TICRR: variants seen among roughly 807,000 people sequenced by gnomAD.
TICRR encodes the protein treslin.
In TICRR, 132 loss-of-function variants were observed where a neutral mutation model predicts 178.1. The ratio of observed to expected loss-of-function variants is 0.74; its 90% CI spans 0.64 to 0.86. The LOEUF is 0.86. Ranked by LOEUF, TICRR falls within the 40% of genes least tolerant of loss-of-function variation. The pLI is 0.00. For missense variants in TICRR, 2,587 were observed against 2,334.3 expected (o/e 1.11, Z -2.23); for synonymous variants, 991 against 900.7 (o/e 1.10, Z -1.79).
chr15:89,626,820 A>C (rs917479806), intron 21 of TICRR, 136 bp from the exon 22 acceptor site: 12 of 924,958 alleles, frequency 1.3e-5, no homozygotes, highest in Non-Finnish European at 1.8e-5. Flanking sequence ...CCATTTCTGT[A>C]GGATAAGCGA....
intron 1 of TICRR, chr15:89,579,807 A>G (rs572197989): frequency 6.6e-6 from 1 of 152,238 alleles, no homozygotes; most frequent in East Asian, 1.9e-4. Flanking sequence ...GGGACTCTGC[A>G]GAGTCCCCAC....
At chr15:89,608,643 G>T in intron 14 of TICRR, 160 bp from the exon 15 acceptor site, 2 of 529,854 alleles carry the variant, frequency 3.8e-6, no homozygotes, top group South Asian at 9.7e-5. Flanking sequence ...ATGCATTATG[G>T]GAATATGCTA....
chr15:89,618,048 C>T, intron 16 of TICRR, 104 bp from the exon 17 acceptor site: 1 of 1,175,212 alleles, frequency 8.5e-7, no homozygotes, highest in African/African-American at 1.5e-5. Context: ...TGTTATCAGA[C>T]CCTGTGATCT....
intron 14 of TICRR, 90 bp from the exon 15 acceptor site, chr15:89,608,713 T>C: frequency 1.7e-6 from 2 of 1,174,004 alleles, no homozygotes; most frequent in East Asian, 5.3e-5. Flanking sequence ...TCAAGGAGCT[T>C]CTCTGTTTTG....
At chr15:89,586,533 A>G (rs578086937) in intron 4 of TICRR, among the ~76,000 whole-genome samples, 2 of 152,312 alleles carry the variant, frequency 1.3e-5, no homozygotes, top group Non-Finnish European at 2.9e-5. Context: ...AGACAAAACA[A>G]TAAGTCAGGA....
intron 1 of TICRR, among the ~76,000 whole-genome samples, chr15:89,576,986 C>T (rs966536262): frequency 2.0e-5 from 3 of 151,712 alleles, no homozygotes; most frequent in African/African-American, 4.8e-5. Context: ...TCCACCCCTC[C>T]GGGTTCAAGC....
At chr15:89,611,593 C>T (rs1439915224) in intron 15 of TICRR, among the ~76,000 whole-genome samples, 1 of 152,110 alleles carries the variant, frequency 6.6e-6, no homozygotes, top group Non-Finnish European at 1.5e-5. Context: ...TCATTTCCTC[C>T]TTAGACTCCC....
chr15:89,627,400 G>A lies in TICRR; in HGVS notation c.*314G>A. On this transcript the variant is annotated 3_prime_UTR_variant, in exon 22 of 22. Transcript: ENST00000268138. ...CAACCATGACCTTGGCAAGTCAGGG[G>A]GCCACTCTGCCTCATTTATGCAAAT... 1 of 333,376 alleles carries A rather than the reference G, an allele frequency of 3.0e-6. No individual in the cohort carries two copies. Among genetic ancestry groups the A allele is most frequent in the Non-Finnish European group, 5.5e-6 (1 of 181,814 alleles). The allele number at this position is 333,376 out of a possible 1,614,324, so 20.7% of individuals were successfully genotyped here. A position where few individuals can be genotyped will look rare whatever the true frequency, so the allele number is the denominator to read the frequency against.
At chr15:89,591,442 G>A (rs1265852038) in intron 4 of TICRR, 1 of 151,454 alleles carries the variant, frequency 6.6e-6, no homozygotes, top group African/African-American at 2.4e-5. Flanking sequence ...CCATTTTTAA[G>A]AACAGGACCA....
At position 89,627,044 on chromosome 15, in the gene TICRR, T is replaced by A. The variant is rs149952329; in HGVS notation, c.5691T>A (p.Tyr1897Ter). Residue 1897 changes from tyrosine (Y) to a stop codon, truncating the protein, a stop_gained, in exon 22 of 22, where the codon TAT (tyrosine) becomes TAA (stop). Transcript: ENST00000268138. LOFTEE classifies it low-confidence loss of function (END_TRUNC). ...GGAGGCGCCCCATCAGCAGAACTTA[T>A]ACACGGAAGAAGCTCATGGGAACCT... ...FSRRRPISRT[Y>*]TRKKLMGTWL... 1.2e-6 allele frequency: 2 copies of A among 1,614,044 alleles called. No individual in the cohort carries two copies. Among genetic ancestry groups the A allele is most frequent in the Non-Finnish European group, 1.7e-6 (2 of 1,180,046 alleles).
intron 15 of TICRR, among the ~76,000 whole-genome samples, chr15:89,612,428 AT>A (rs1963269506): frequency 6.6e-6 from 1 of 152,248 alleles, no homozygotes; most frequent in South Asian, 2.1e-4. Flanking sequence ...TGACCAAAGC[AT>A]GCAACCCCCA....
chr15:89,597,295 G>A (rs983761994), intron 7 of TICRR, among the ~76,000 whole-genome samples: 5 of 152,108 alleles, frequency 3.3e-5, no homozygotes, highest in African/African-American at 9.6e-5. Flanking sequence ...AGGCTGAGGC[G>A]GGCAGATCAC....
intron 14 of TICRR, among the ~76,000 whole-genome samples, chr15:89,607,778 T>C (rs1215118031): frequency 6.6e-6 from 1 of 152,166 alleles, no homozygotes; most frequent in African/African-American, 2.4e-5. Flanking sequence ...AATTCACCCT[T>C]GGTGAATTTT....
Position 89,624,092 on chromosome 15 carries a change from C to A in TICRR, c.3782C>A (p.Pro1261His). The A allele has an allele frequency of 6.2e-7, 1 of 1,613,914 alleles. No individual in the cohort carries two copies. Among genetic ancestry groups the A allele is most frequent in the Non-Finnish European group, 8.5e-7 (1 of 1,179,994 alleles). Residue 1261 changes from proline (P) to histidine (H), a missense_variant, in exon 20 of 22, where the codon CCT becomes CAT. Pro to His is a moderately conservative substitution (Grantham distance 77, BLOSUM62 -2). Transcript: ENST00000268138. ...PPRAAAFMGTPQNQTHQQPHV... is the reference protein window; with the variant it reads ...PPRAAAFMGTHQNQTHQQPHV... ...AGAGCAGCAGCCTTCATGGGCACGC[C>A]TCAGAATCAAACACACCAACAGCCC...
intron 19 of TICRR, 37 bp from the exon 20 acceptor site, chr15:89,623,586 A>G (rs1963459226): frequency 8.3e-6 from 13 of 1,559,016 alleles, no homozygotes; most frequent in Non-Finnish European, 1.0e-5. Context: ...CATGAGTTAT[A>G]ATATTCAAGG....
Position 89,624,006 on chromosome 15 carries a change from G to C in TICRR, c.3696G>C (p.Ser1232=). The C allele has an allele frequency of 6.2e-7, 1 of 1,613,588 alleles. No individual in the cohort carries two copies. The highest frequency in any genetic ancestry group is 8.5e-7 in the Non-Finnish European group (1 of 1,179,936). ...SPSCPAPPTS[S]TAQPRRECLT... The stretch of plus-strand genomic sequence containing the variant: ...CCTGTCCAGCCCCTCCAACTTCATC[G>C]ACTGCCCAGCCCAGGAGAGAGTGTC... The change falls in exon 20 of 22, where the codon TCG becomes TCC. Residue 1232 remains serine, a synonymous_variant. Transcript: ENST00000268138.
chr15:89,592,009 C>G (rs1365241521), intron 4 of TICRR, 38 bp from the exon 5 acceptor site: 7 of 1,583,846 alleles, frequency 4.4e-6, no homozygotes, highest in Non-Finnish European at 6.0e-6. Context: ...GGTTCTCATG[C>G]TGTTTCCTCT....
At chr15:89,597,202 C>T (rs1447334197) in intron 7 of TICRR, among the ~76,000 whole-genome samples, 1 of 152,030 alleles carries the variant, frequency 6.6e-6, no homozygotes, top group Non-Finnish European at 1.5e-5. Flanking sequence ...TAGTCTTCCA[C>T]TATTGTATTG....
At chr15:89,607,799 C>G (rs2141969980) in intron 14 of TICRR, among the ~76,000 whole-genome samples, 1 of 152,210 alleles carries the variant, frequency 6.6e-6, no homozygotes, top group African/African-American at 2.4e-5. Context: ...TGGATCACTT[C>G]CACCAGACTA....
Sources: gnomAD v4.1 joint callset for allele counts (sites outside exome capture counted in the v4.1 genomes callset) on GRCh38, gnomAD v4.1.1 for gene constraint, MANE v1.5 for transcripts, NCBI Gene and HGNC (gene_info 2026-07-23, HGNC 2026-07-21) for gene names.